CTNNA3: variants seen among roughly 807,000 people sequenced by gnomAD.
CTNNA3 encodes the protein catenin alpha 3, also known as catenin alpha-3.
A neutral mutation model predicts 95.7 loss-of-function variants in CTNNA3; 76 were observed. The observed-to-expected ratio is 0.79, with a 90% CI of 0.66 to 0.96. CTNNA3 has a LOEUF of 0.96. CTNNA3 is among the 40% of genes least tolerant of loss of function. The pLI, the probability that CTNNA3 is intolerant of heterozygous loss-of-function variation, is 0.00. For missense variants in CTNNA3, 1,191 were observed against 1,089.8 expected (o/e 1.09, Z -1.31); for synonymous variants, 431 against 374.4 (o/e 1.15, Z -1.74).
chr10:66,223,342 T>C (rs1019600041), intron 13 of CTNNA3, among the ~76,000 whole-genome samples: 5 of 152,186 alleles, frequency 3.3e-5, no homozygotes, highest in African/African-American at 9.6e-5. Flanking sequence ...TGTACATTTG[T>C]ACATTTTTAT....
intron 13 of CTNNA3, among the ~76,000 whole-genome samples, chr10:66,163,789 G>A (rs1314150410): frequency 3.3e-5 from 5 of 152,190 alleles, no homozygotes; most frequent in Non-Finnish European, 7.3e-5. Flanking sequence ...CCATGTTCAA[G>A]TTATTTAGCC....
chr10:66,050,270 C>A (rs1283677095), intron 15 of CTNNA3, among the ~76,000 whole-genome samples: 1 of 151,932 alleles, frequency 6.6e-6, no homozygotes, highest in Non-Finnish European at 1.5e-5. Flanking sequence ...TTTCTGAAAT[C>A]CAAAATATCT....
intron 1 of CTNNA3, among the ~76,000 whole-genome samples, chr10:67,740,428 C>A (rs1589586364): frequency 6.6e-6 from 1 of 151,370 alleles, no homozygotes; most frequent in South Asian, 2.1e-4. Context: ...GGGCTAATAT[C>A]CAGAACCTAC....
intron 6 of CTNNA3, among the ~76,000 whole-genome samples, chr10:67,185,421 C>A (rs973546541): frequency 6.6e-6 from 1 of 151,990 alleles, no homozygotes; most frequent in Non-Finnish European, 1.5e-5. Context: ...CCATCACGGC[C>A]GGCCTTTTTT....
chr10:67,016,692 C>T (rs1434551106), intron 7 of CTNNA3, among the ~76,000 whole-genome samples: 1 of 152,190 alleles, frequency 6.6e-6, no homozygotes, highest in Non-Finnish European at 1.5e-5. Flanking sequence ...GAGTCAACAT[C>T]TCTTAGTGGG....
intron 7 of CTNNA3, among the ~76,000 whole-genome samples, chr10:66,804,028 A>T (rs886764521): frequency 2.6e-5 from 4 of 151,424 alleles, no homozygotes; most frequent in African/African-American, 4.9e-5. Context: ...GTTGCCACTG[A>T]CATTTGTGAA....
intron 15 of CTNNA3, among the ~76,000 whole-genome samples, chr10:65,999,058 A>C (rs1185901388): frequency 2.0e-5 from 3 of 152,150 alleles, no homozygotes; most frequent in Non-Finnish European, 4.4e-5. Context: ...ATTTTCTCTG[A>C]ATCTGCTGAC....
chr10:66,377,654 TA>T (rs150796926), intron 12 of CTNNA3, among the ~76,000 whole-genome samples: 18 of 146,738 alleles, frequency 1.2e-4, no homozygotes, highest in South Asian at 4.3e-4. Context: ...TTTATTTGTC[TA>T]AAAAAAAAAC....
chr10:67,525,518 T>C (rs764682623), intron 4 of CTNNA3, among the ~76,000 whole-genome samples: 10 of 152,208 alleles, frequency 6.6e-5, no homozygotes, highest in Admixed American at 2.6e-4. Context: ...GATACATTTT[T>C]TCTCCTTTTT....
intron 5 of CTNNA3, among the ~76,000 whole-genome samples, chr10:67,275,621 C>T (rs1213796612): frequency 6.6e-6 from 1 of 151,750 alleles, no homozygotes; most frequent in Non-Finnish European, 1.5e-5. Context: ...TGGAAAAAAT[C>T]AAGATTAATA....
chr10:67,433,849 C>A (rs1846210722), intron 5 of CTNNA3, among the ~76,000 whole-genome samples: 1 of 151,900 alleles, frequency 6.6e-6, no homozygotes, highest in African/African-American at 2.4e-5. Flanking sequence ...CTAGCCATAC[C>A]ACCTCTCTAA....
At chr10:67,607,945 C>T (rs1031272123) in intron 2 of CTNNA3, among the ~76,000 whole-genome samples, 2 of 152,096 alleles carry the variant, frequency 1.3e-5, no homozygotes, top group Non-Finnish European at 2.9e-5. Flanking sequence ...TTCTTAATAT[C>T]GGCAGCATAC....
At chr10:67,293,170 ACTTT>A (rs982500013) in intron 5 of CTNNA3, among the ~76,000 whole-genome samples, 2 of 152,254 alleles carry the variant, frequency 1.3e-5, no homozygotes, top group African/African-American at 4.8e-5. Flanking sequence ...GATCAAGTAG[ACTTT>A]CTTTTTTATA....
chr10:67,023,251 T>G (rs1853142835), intron 7 of CTNNA3, among the ~76,000 whole-genome samples: 2 of 152,112 alleles, frequency 1.3e-5, no homozygotes, highest in Admixed American at 6.5e-5. Context: ...TAATCTACAG[T>G]GAATAGGCCA....
intron 15 of CTNNA3, among the ~76,000 whole-genome samples, chr10:66,046,167 G>A (rs937798202): frequency 6.6e-6 from 1 of 152,110 alleles, no homozygotes; most frequent in Non-Finnish European, 1.5e-5. Flanking sequence ...ACAGAGCAAG[G>A]AGAACCTCCC....
At chr10:66,765,671 G>T (rs2132783210) in intron 9 of CTNNA3, among the ~76,000 whole-genome samples, 1 of 152,216 alleles carries the variant, frequency 6.6e-6, no homozygotes, top group African/African-American at 2.4e-5. Context: ...GAAGCTATCA[G>T]CACTTCACAG....
At chr10:66,526,597 G>A (rs182146372) in intron 10 of CTNNA3, among the ~76,000 whole-genome samples, 1 of 152,014 alleles carries the variant, frequency 6.6e-6, no homozygotes, top group Non-Finnish European at 1.5e-5. Flanking sequence ...TCATATCCTG[G>A]CCAAAACTTA....
chr10:66,481,037 A>G (rs762740840), intron 11 of CTNNA3, among the ~76,000 whole-genome samples: 7 of 152,348 alleles, frequency 4.6e-5, no homozygotes, highest in South Asian at 4.1e-4. Flanking sequence ...CAAAGCATAC[A>G]CAGTGAGTAA....
intron 10 of CTNNA3, among the ~76,000 whole-genome samples, chr10:66,544,221 C>A (rs1244916885): frequency 1.3e-5 from 2 of 151,924 alleles, no homozygotes; most frequent in African/African-American, 2.4e-5. Flanking sequence ...AATGTATTAG[C>A]CTCCTAGTAA....
Sources: gnomAD v4.1 joint callset for allele counts (sites outside exome capture counted in the v4.1 genomes callset) on GRCh38, gnomAD v4.1.1 for gene constraint, MANE v1.5 for transcripts, NCBI Gene and HGNC (gene_info 2026-07-23, HGNC 2026-07-21) for gene names.